The following SPATA31H1 variants were observed in gnomAD, a reference collection of about 807,000 sequenced individuals.
The protein encoded by SPATA31H1 is spermatogenesis-associated protein 31H1.
the SPATA31H1 span, among the ~76,000 whole-genome samples, chr2:27,557,876 T>C: frequency 9.7e-3 from 34 of 3,488 alleles, no homozygotes; most frequent in East Asian, 0.019. Flanking sequence ...TGACCCCCCC[T>C]CCCCCCTCCC....
chr2:27,566,993 G>T, the SPATA31H1 span: 1 of 717,608 alleles, frequency 1.4e-6, no homozygotes, highest in South Asian at 1.5e-5. Context: ...AATCCTCTGT[G>T]TTCAGGAACC....
the SPATA31H1 span, chr2:27,570,508 A>T: frequency 2.5e-6 from 1 of 398,958 alleles, no homozygotes; most frequent in Non-Finnish European, 4.4e-6. Flanking sequence ...GGGCTGCAAG[A>T]TTCCAAATTA....
the SPATA31H1 span, chr2:27,566,304 T>C: frequency 2.1e-5 from 15 of 717,270 alleles, no homozygotes; most frequent in Non-Finnish European, 2.6e-6. Context: ...CAGAACTCCC[T>C]GTGGGCTGGA....
chr2:27,572,024 G>A, the SPATA31H1 span: 1 of 398,466 alleles, frequency 2.5e-6, no homozygotes, highest in Non-Finnish European at 4.4e-6. Flanking sequence ...AAGGGTCTGA[G>A]TCAGAAGGTG....
the SPATA31H1 span, chr2:27,581,171 ACT>A: frequency 9.3e-6 from 15 of 1,614,022 alleles, no homozygotes; most frequent in South Asian, 7.7e-5. Context: ...TTAAAGACAA[ACT>A]CACACACAAG....
At chr2:27,552,490 A>G in the SPATA31H1 span, among the ~76,000 whole-genome samples, 1 of 152,018 alleles carries the variant, frequency 6.6e-6, no homozygotes, top group African/African-American at 2.4e-5. Flanking sequence ...TTTGATTACT[A>G]CAGCTTCGTA....
At chr2:27,558,855 C>T in the SPATA31H1 span, among the ~76,000 whole-genome samples, 6 of 107,956 alleles carry the variant, frequency 5.6e-5, no homozygotes, top group African/African-American at 1.8e-4. Flanking sequence ...GCAGCAGTAC[C>T]GTCCAGCCTT....
chr2:27,566,324 A>G, the SPATA31H1 span: 4 of 717,274 alleles, frequency 5.6e-6, no homozygotes, highest in African/African-American at 1.7e-5. Context: ...ACCCAGGAAT[A>G]TATACTCTGG....
chr2:27,569,062 C>T, the SPATA31H1 span: 24 of 398,834 alleles, frequency 6.0e-5, no homozygotes, highest in Non-Finnish European at 8.8e-5. Flanking sequence ...AGCCCAGGGC[C>T]ACTGAGCCAA....
At chr2:27,575,295 T>A in the SPATA31H1 span, 25 of 398,434 alleles carry the variant, frequency 6.3e-5, no homozygotes, top group Non-Finnish European at 1.1e-4. This position sits in a 1 kb window ranked among gnomAD's most constrained non-coding sequence, Gnocchi z 4.1. Flanking sequence ...AGATGAGAAA[T>A]CTCATAAATT....
At chr2:27,562,877 A>G in the SPATA31H1 span, among the ~76,000 whole-genome samples, 3 of 150,094 alleles carry the variant, frequency 2.0e-5, no homozygotes, top group Non-Finnish European at 3.0e-5. Context: ...ACAGAGTGAG[A>G]TTCTGTCTCA....
the SPATA31H1 span, chr2:27,578,881 CT>C: frequency 4.3e-6 from 7 of 1,614,178 alleles, no homozygotes; most frequent in Non-Finnish European, 5.9e-6. Context: ...ATAAAAAACC[CT>C]GGGACAGATA....
chr2:27,558,924 GGAGGGA>G, the SPATA31H1 span, among the ~76,000 whole-genome samples: 18,707 of 87,380 alleles, frequency 0.21, 2,669 homozygotes, highest in East Asian at 0.38. Context: ...AGAGGGAGGG[GGAGGGA>G]GAGGGAGAGG....
the SPATA31H1 span, chr2:27,579,883 C>A: frequency 2.5e-6 from 4 of 1,614,092 alleles, no homozygotes; most frequent in African/African-American, 2.7e-5. Flanking sequence ...CAAATACCCC[C>A]CGATGTGCCT....
the SPATA31H1 span, chr2:27,575,252 AC>A: frequency 5.0e-6 from 2 of 398,552 alleles, no homozygotes; most frequent in Admixed American, 4.4e-5. This position sits in a 1 kb window ranked among gnomAD's most constrained non-coding sequence, Gnocchi z 4.1. Flanking sequence ...ATAGTGTGGC[AC>A]CTTCTGAGTT....
At chr2:27,582,005 G>A in the SPATA31H1 span, 1 of 1,613,930 alleles carries the variant, frequency 6.2e-7, no homozygotes. Context: ...GTCCCTTGGA[G>A]AGGAGCCGTC....
At chr2:27,554,348 A>G in the SPATA31H1 span, among the ~76,000 whole-genome samples, 1 of 151,820 alleles carries the variant, frequency 6.6e-6, no homozygotes, top group Non-Finnish European at 1.5e-5. Flanking sequence ...CTTGGTACCA[A>G]TTTCTATCTT....
At chr2:27,579,858 A>G in the SPATA31H1 span, 1 of 1,614,106 alleles carries the variant, frequency 6.2e-7, no homozygotes, top group Admixed American at 1.7e-5. Context: ...AATAGCAGCA[A>G]AACTCTTAAG....
chr2:27,577,075 C>T, the SPATA31H1 span: 3 of 1,614,130 alleles, frequency 1.9e-6, no homozygotes, highest in Non-Finnish European at 2.5e-6. This position sits in a 1 kb window ranked among gnomAD's most constrained non-coding sequence, Gnocchi z 4.5. Context: ...CAAGGATTGG[C>T]ATATAAAGGC....
Sources: gnomAD v4.1 joint callset for allele counts (sites outside exome capture counted in the v4.1 genomes callset) on GRCh38, gnomAD v4.1.1 for gene constraint, Gnocchi (gnomAD v3.1) non-coding constraint, MANE v1.5 for transcripts, NCBI Gene and HGNC (gene_info 2026-07-23, HGNC 2026-07-21) for gene names.